GLI3: variants seen among roughly 807,000 people sequenced by gnomAD.
GLI3 encodes the protein GLI family zinc finger 3.
In GLI3, 20 loss-of-function variants were observed where a neutral mutation model predicts 100.8. The ratio of observed to expected loss-of-function variants is 0.20; its 90% CI spans 0.14 to 0.29. The LOEUF is 0.29. Among genes scored for constraint, GLI3 ranks in the 10% least tolerant of loss-of-function variants. The probability of loss-of-function intolerance (pLI) is 1.00; values close to 1 mark genes in which losing one functional copy is unlikely to be tolerated. For synonymous variants in GLI3, 938 were observed against 860.5 expected (o/e 1.09, Z -1.58); for missense variants, 2,040 against 2,128.5 (o/e 0.96, Z 0.82).
chr7:42,207,643 G>A (rs113836334), intron 2 of GLI3, among the ~76,000 whole-genome samples: 6,826 of 152,188 alleles, frequency 0.045, 197 homozygotes, highest in Non-Finnish European at 0.066. Context: ...CAATGATAGG[G>A]GATTGATTGA....
rs1465886806 is a variant in GLI3, at chr7:42,236,987, TGTC to T, written c.-62_-60del. On this transcript the variant is annotated 5_prime_UTR_variant, in exon 1 of 15. It removes the in-frame stop codon of an upstream open reading frame in the 5' UTR. Coordinates refer to ENST00000395925, the MANE Select transcript of GLI3 (RefSeq NM_000168.6). ...GGGACGTACCTGCGGCGGCAGCGGC[TGTC>T]AAGTCCCCGAACTTCCCATAGACCC... 1 of 151,622 alleles carries T rather than the reference TGTC, an allele frequency of 6.6e-6. No homozygotes were observed. The highest frequency in any genetic ancestry group is 1.5e-5 in the Non-Finnish European group (1 of 67,910). 9.4% of individuals were successfully genotyped at this position (151,622 alleles called of 1,614,324 possible). A position where few individuals can be genotyped will look rare whatever the true frequency, so the allele number is the denominator to read the frequency against.
chr7:42,220,241 T>C (rs1427924744), intron 2 of GLI3, among the ~76,000 whole-genome samples: 1 of 152,216 alleles, frequency 6.6e-6, no homozygotes, highest in Non-Finnish European at 1.5e-5. Flanking sequence ...CTGGAAACAG[T>C]AGCAATCAAA....
chr7:42,187,820 T>C (rs1478531506), intron 2 of GLI3, among the ~76,000 whole-genome samples: 3 of 151,696 alleles, frequency 2.0e-5, no homozygotes, highest in South Asian at 2.1e-4. Flanking sequence ...CTGACTAACA[T>C]GGTGAAACCC....
intron 1 of GLI3, among the ~76,000 whole-genome samples, chr7:42,259,167 C>T (rs1438317259): frequency 6.6e-6 from 1 of 152,132 alleles, no homozygotes; most frequent in Non-Finnish European, 1.5e-5. Context: ...AGCATGCTTT[C>T]AAATATTCAA....
At position 42,209,986 on chromosome 7, in the gene GLI3, G is replaced by GAAAAAAAA. The variant is rs749477443; in HGVS notation, c.124+13136_124+13143dup. Among the ~76,000 whole-genome samples, 12 of 33,270 alleles carry GAAAAAAAA rather than the reference G, an allele frequency of 3.6e-4. 1 individual carries two copies. The highest frequency in any genetic ancestry group is 1.2e-3 in the African/African-American group (8 of 6,714). The allele number at this position is 33,270 out of a possible 152,430, so 21.8% of individuals were successfully genotyped here. On this transcript the variant is annotated intron_variant, in intron 2 of 14. Coordinates refer to ENST00000395925, the MANE Select transcript of GLI3 (RefSeq NM_000168.6). ...GGGTCATACATCTCTTTAAGAATCT[G>GAAAAAAAA]AAAAAAAAAAAAAAAAAAAAAAAAA...
intron 10 of GLI3, among the ~76,000 whole-genome samples, chr7:41,995,087 A>C (rs944375926): frequency 1.3e-5 from 2 of 152,252 alleles, no homozygotes; most frequent in Non-Finnish European, 1.5e-5. Context: ...TTTTAAAGTA[A>C]AAGTGTCCTG....
chr7:41,964,435 T>C lies in GLI3; in HGVS notation c.4638A>G (p.Pro1546=), dbSNP rs1233172983. 2 of 1,614,074 alleles carry C rather than the reference T, an allele frequency of 1.2e-6. No individual in the cohort carries two copies. Among genetic ancestry groups the C allele is most frequent in the Non-Finnish European group, 1.7e-6 (2 of 1,179,962 alleles). The change falls in exon 15 of 15, where the codon CCA becomes CCG. Residue 1546 remains proline, a synonymous_variant. Transcript: ENST00000395925. ...SRLTTPRASL[P]FPALSMSTTN... ...TGGTGCTCATGGACAGCGCTGGGAATGGGAGGGACGCCCGAGGCGTGGTGA... is the reference window on the plus strand; with the variant it reads ...TGGTGCTCATGGACAGCGCTGGGAACGGGAGGGACGCCCGAGGCGTGGTGA...
Position 42,038,303 on chromosome 7 carries a change from T to C in GLI3, c.1028+1735A>G, listed in dbSNP as rs766672408. Among the ~76,000 whole-genome samples, 10 of 152,310 alleles carry C rather than the reference T, an allele frequency of 6.6e-5. No homozygotes were observed. In the East Asian group the frequency reaches 1.9e-3, roughly 29 times the overall value. ...TAGACAGCCATCACAGGATGGCTCCTCTCCTGGATGAACCATCCCAGCTCA... is the reference window on the plus strand; with the variant it reads ...TAGACAGCCATCACAGGATGGCTCCCCTCCTGGATGAACCATCCCAGCTCA... On this transcript the variant is annotated intron_variant, in intron 7 of 14. Transcript: ENST00000395925.
intron 4 of GLI3, among the ~76,000 whole-genome samples, chr7:42,069,059 C>A (rs544347409): frequency 5.3e-5 from 8 of 152,324 alleles, no homozygotes; most frequent in South Asian, 2.1e-4. Flanking sequence ...GGTTTGACAG[C>A]AGCCTCTATA....
chr7:42,069,841 C>T (rs1784751227), intron 4 of GLI3, among the ~76,000 whole-genome samples: 1 of 152,156 alleles, frequency 6.6e-6, no homozygotes, highest in Admixed American at 6.5e-5. Context: ...ACTTTATTGA[C>T]AAAAACAGGC....
At chr7:42,236,914 C>T in intron 1 of GLI3, 57 bp downstream of exon 1, 1 of 152,216 alleles carries the variant, frequency 6.6e-6, no homozygotes, top group Non-Finnish European at 1.5e-5. Context: ...GGCGCGGGCG[C>T]GGCCGCAGGA....
intron 10 of GLI3, among the ~76,000 whole-genome samples, chr7:42,001,777 ATAAT>A (rs1245824859): frequency 3.3e-5 from 5 of 152,196 alleles, no homozygotes; most frequent in Non-Finnish European, 5.9e-5. Context: ...CAATAATGGA[ATAAT>A]TAATCATTTT....
intron 3 of GLI3, among the ~76,000 whole-genome samples, chr7:42,114,742 C>A (rs1244750791): frequency 6.6e-6 from 1 of 152,024 alleles, no homozygotes; most frequent in Non-Finnish European, 1.5e-5. Context: ...TGCCCTGTCA[C>A]CCAGGCTGGA....
intron 10 of GLI3, among the ~76,000 whole-genome samples, chr7:41,988,463 CAA>C (rs202237818): frequency 1.6e-4 from 7 of 43,306 alleles, no homozygotes; most frequent in Admixed American, 3.6e-4. Flanking sequence ...AACTCCATCT[CAA>C]AAAAAAAAAG....
intron 4 of GLI3, among the ~76,000 whole-genome samples, chr7:42,056,297 T>C (rs1338536788): frequency 6.6e-6 from 1 of 152,218 alleles, no homozygotes; most frequent in Non-Finnish European, 1.5e-5. Context: ...GCATGGTCTC[T>C]TCTCTGAAAG....
chr7:42,050,745 T>G (rs1361726821), intron 4 of GLI3, among the ~76,000 whole-genome samples: 1 of 152,154 alleles, frequency 6.6e-6, no homozygotes, highest in Non-Finnish European at 1.5e-5. Context: ...GAACTAAACA[T>G]CAGGGTGGGC....
chr7:42,053,914 T>C (rs994185981), intron 4 of GLI3, among the ~76,000 whole-genome samples: 1 of 151,764 alleles, frequency 6.6e-6, no homozygotes, highest in Non-Finnish European at 1.5e-5. Context: ...AACTGTAGAG[T>C]GTTGTTGGGA....
At chr7:42,026,469 T>C (rs1349555937) in intron 7 of GLI3, 57 bp from the exon 8 acceptor site, 2 of 1,266,824 alleles carry the variant, frequency 1.6e-6, no homozygotes. Context: ...CTCAGACAAG[T>C]ACACAAGATC....
chr7:42,040,737 A>G (rs1185287691), intron 6 of GLI3, among the ~76,000 whole-genome samples: 3 of 152,198 alleles, frequency 2.0e-5, no homozygotes, highest in African/African-American at 7.2e-5. Flanking sequence ...AGTGATTTCT[A>G]GAGTTACCTG....
Sources: gnomAD v4.1 joint callset for allele counts (sites outside exome capture counted in the v4.1 genomes callset) on GRCh38, gnomAD v4.1.1 for gene constraint, MANE v1.5 for transcripts, NCBI Gene and HGNC (gene_info 2026-07-23, HGNC 2026-07-21) for gene names.